The following JAKMIP2 variants were observed in gnomAD, a reference collection of about 807,000 sequenced individuals.
JAKMIP2 encodes janus kinase and microtubule interacting protein 2, also known as janus kinase and microtubule-interacting protein 2.
JAKMIP2 carries 25 observed loss-of-function variants against 115.0 expected under a neutral mutation model. The observed-to-expected ratio is 0.22, with a 90% CI of 0.16 to 0.30. JAKMIP2 has a LOEUF of 0.30. Ranked by LOEUF, JAKMIP2 falls within the 10% of genes least tolerant of loss-of-function variation. The pLI is 1.00. For synonymous variants in JAKMIP2, 334 were observed against 343.6 expected (o/e 0.97, Z 0.31); for missense variants, 642 against 957.6 (o/e 0.67, Z 4.35).
intron 21 of JAKMIP2, among the ~76,000 whole-genome samples, chr5:147,598,852 C>T (rs1755545986): frequency 1.3e-5 from 2 of 152,092 alleles, no homozygotes; most frequent in African/African-American, 2.4e-5. Flanking sequence ...AAAAATTTAT[C>T]GTAATTTGCA....
intron 3 of JAKMIP2, among the ~76,000 whole-genome samples, chr5:147,657,211 C>T (rs538490128): frequency 7.0e-4 from 107 of 152,146 alleles, no homozygotes; most frequent in African/African-American, 2.4e-3. Flanking sequence ...ACCCGGGAGG[C>T]GGAGCTTGCA....
chr5:147,775,957 C>A (rs904065958), intron 1 of JAKMIP2, among the ~76,000 whole-genome samples: 2 of 151,784 alleles, frequency 1.3e-5, no homozygotes, highest in African/African-American at 4.8e-5. Flanking sequence ...ACTTTTGATA[C>A]GTATTATGAA....
chr5:147,592,560 A>G (rs1490351063), intron 21 of JAKMIP2, among the ~76,000 whole-genome samples: 1 of 152,134 alleles, frequency 6.6e-6, no homozygotes, highest in African/African-American at 2.4e-5. Context: ...AGCACAGAAG[A>G]TGTGCTATGA....
chr5:147,661,843 G>A (rs1020707251), intron 2 of JAKMIP2: 1 of 178,796 alleles, frequency 5.6e-6, no homozygotes, highest in Non-Finnish European at 1.2e-5. Flanking sequence ...AAATTAGAAA[G>A]TATCGCTATC....
At chr5:147,689,278 G>C (rs540517080) in intron 1 of JAKMIP2, among the ~76,000 whole-genome samples, 1 of 152,214 alleles carries the variant, frequency 6.6e-6, no homozygotes, top group East Asian at 1.9e-4. Flanking sequence ...TGCTTTTTAG[G>C]CCATTTTGCA....
chr5:147,690,355 A>T (rs1174707087), intron 1 of JAKMIP2, among the ~76,000 whole-genome samples: 1 of 151,858 alleles, frequency 6.6e-6, no homozygotes, highest in Non-Finnish European at 1.5e-5. Flanking sequence ...AAAAAACAAA[A>T]ATAAAAAAGG....
chr5:147,673,975 A>G (rs746335658), intron 1 of JAKMIP2, among the ~76,000 whole-genome samples: 44 of 152,266 alleles, frequency 2.9e-4, no homozygotes, highest in Non-Finnish European at 5.6e-4. Context: ...TTATGCAAAC[A>G]CTAGACTTGT....
chr5:147,727,375 T>C (rs958560162), intron 1 of JAKMIP2, among the ~76,000 whole-genome samples: 2 of 152,242 alleles, frequency 1.3e-5, no homozygotes, highest in African/African-American at 4.8e-5. Context: ...TCCCTGAGAC[T>C]GGGTAATTTA....
At chr5:147,774,655 G>A (rs1053148130) in intron 1 of JAKMIP2, among the ~76,000 whole-genome samples, 4 of 152,008 alleles carry the variant, frequency 2.6e-5, no homozygotes, top group Non-Finnish European at 5.9e-5. Context: ...GTAGGTTAAG[G>A]GCCTTAAATA....
At chr5:147,641,163 T>C (rs1757862779) in intron 8 of JAKMIP2, among the ~76,000 whole-genome samples, 1 of 152,222 alleles carries the variant, frequency 6.6e-6, no homozygotes, top group South Asian at 2.1e-4. Flanking sequence ...AACTCAGGTA[T>C]CTATGTGATG....
intron 1 of JAKMIP2, among the ~76,000 whole-genome samples, chr5:147,677,261 G>C (rs958153204): frequency 6.6e-6 from 1 of 152,164 alleles, no homozygotes; most frequent in African/African-American, 2.4e-5. Flanking sequence ...ACCATTTATT[G>C]AGTGCTTTCT....
At chr5:147,713,964 A>T (rs1305514886) in intron 1 of JAKMIP2, among the ~76,000 whole-genome samples, 1 of 152,204 alleles carries the variant, frequency 6.6e-6, no homozygotes, top group Non-Finnish European at 1.5e-5. Flanking sequence ...CTCTATTTAG[A>T]TTAAAGTAAT....
chr5:147,751,628 A>C (rs1754565805), intron 1 of JAKMIP2, among the ~76,000 whole-genome samples: 1 of 151,460 alleles, frequency 6.6e-6, no homozygotes, highest in South Asian at 2.1e-4. Flanking sequence ...GGAGACAAAG[A>C]CCAGCTACAC....
rs189329962 is a variant in JAKMIP2 at position 147,735,553 on chromosome 5, C to G, written c.-149+46903G>C. ...CACTATCATGAGAACACTAAAGGAA[C>G]TGCCCCCATGAGTCAACTATTCCAC... On this transcript the variant is annotated intron_variant, in intron 1 of 21. Transcript: ENST00000616793. Among the ~76,000 whole-genome samples, 45 of 152,302 alleles carry G rather than the reference C, an allele frequency of 3.0e-4. 2 individuals are homozygous for G. The East Asian group carries it at 7.7e-3, about 26-fold the overall frequency.
intron 1 of JAKMIP2, among the ~76,000 whole-genome samples, chr5:147,738,583 CAG>C (rs1754014370): frequency 6.6e-6 from 1 of 152,058 alleles, no homozygotes; most frequent in African/African-American, 2.4e-5. Flanking sequence ...ACTGCAATTG[CAG>C]ATAATAAGAC....
chr5:147,602,556 A>G (rs564971015), intron 20 of JAKMIP2, among the ~76,000 whole-genome samples: 1 of 152,328 alleles, frequency 6.6e-6, no homozygotes, highest in East Asian at 1.9e-4. Flanking sequence ...TGGAAGTTAA[A>G]TGGAGTCTGA....
rs1210876527 is a variant in JAKMIP2 at position 147,753,712 on chromosome 5, C to T, written c.-149+28744G>A. 2.6e-5 allele frequency among the ~76,000 whole-genome samples: 4 copies of T among 152,236 alleles called. No homozygotes were observed. The East Asian group carries it at 7.7e-4, about 29-fold the overall frequency. Reference sequence around the variant, plus strand: ...TACCACTCACACATTCCTCAGTGTACTAACCATCTTCCTTGTGGTAGAAAA... The same window carrying T: ...TACCACTCACACATTCCTCAGTGTATTAACCATCTTCCTTGTGGTAGAAAA... On this transcript the variant is annotated intron_variant, in intron 1 of 21. Transcript: ENST00000616793.
intron 7 of JAKMIP2, 31 bp from the exon 8 acceptor site, chr5:147,641,795 A>G: frequency 6.4e-7 from 1 of 1,555,604 alleles, no homozygotes; most frequent in Non-Finnish European, 8.9e-7. Flanking sequence ...TTTCAGATCC[A>G]GAATTGGTAG....
At position 147,589,980 on chromosome 5, in the gene JAKMIP2, G is replaced by C. The variant is rs1755035374; in HGVS notation, c.*1727C>G. 1 of 152,198 alleles carries C rather than the reference G, an allele frequency of 6.6e-6. No individual in the cohort carries two copies. Among genetic ancestry groups the C allele is most frequent in the Non-Finnish European group, 1.5e-5 (1 of 68,042 alleles). 9.4% of individuals were successfully genotyped at this position (152,198 alleles called of 1,614,324 possible). ...ATTGCAAATAAAACTTTATGAAAAA[G>C]CATTTTAACCCCATTTTGCAGATGA... On this transcript the variant is annotated 3_prime_UTR_variant, in exon 22 of 22. Transcript: ENST00000616793.
Sources: allele counts gnomAD v4.1 joint callset (sites outside exome capture counted in the v4.1 genomes callset), GRCh38; gene constraint gnomAD v4.1.1; transcripts MANE v1.5; gene names NCBI Gene and HGNC (gene_info 2026-07-23, HGNC 2026-07-21).